NFKBIZ: variants seen among roughly 807,000 people sequenced by gnomAD.
The protein encoded by NFKBIZ is NFKB inhibitor zeta, also known as NF-kappa-B inhibitor zeta.
NFKBIZ carries 19 observed loss-of-function variants against 76.8 expected under a neutral mutation model. The ratio of observed to expected loss-of-function variants is 0.25; its 90% CI spans 0.17 to 0.36. The LOEUF is 0.36. NFKBIZ is among the 10% of genes least tolerant of loss of function. The pLI is 1.00. For missense variants in NFKBIZ, 829 were observed against 910.9 expected, an observed-to-expected ratio of 0.91 and a Z score of 1.16; for synonymous variants, 368 against 354.8, an observed-to-expected ratio of 1.04 and a Z score of -0.42.
intron 2 of NFKBIZ, among the ~76,000 whole-genome samples, chr3:101,834,859 C>T (rs901871753): frequency 1.3e-5 from 2 of 152,146 alleles, no homozygotes; most frequent in African/African-American, 4.8e-5. Context: ...TGTTCGAAAC[C>T]CCTGAATGGC....
chr3:101,846,615 CAG>C (rs1309007060), upstream of NFKBIZ, among the ~76,000 whole-genome samples: 1 of 152,072 alleles, frequency 6.6e-6, no homozygotes, highest in African/African-American at 2.4e-5. Flanking sequence ...TTAATTAAAA[CAG>C]GAGGATAATT....
intron 1 of NFKBIZ, among the ~76,000 whole-genome samples, chr3:101,850,719 C>T (rs146586530): frequency 2.0e-5 from 3 of 152,200 alleles, no homozygotes; most frequent in African/African-American, 7.2e-5. Context: ...TAAAGAACGT[C>T]TCTTTCCGGT....
At chr3:101,833,920 A>ACC (rs918117017) in intron 2 of NFKBIZ, among the ~76,000 whole-genome samples, 3 of 152,078 alleles carry the variant, frequency 2.0e-5, no homozygotes, top group African/African-American at 7.2e-5. Flanking sequence ...TGCTTTCTCC[A>ACC]CCCCATACCT....
rs779627319 is a variant in NFKBIZ at position 101,857,190 on chromosome 3, C to CACACT, written c.1935+8_1935+9insCACTA. 1 of 139,652 alleles carries CACACT rather than the reference C, an allele frequency of 7.2e-6. No homozygotes were observed. Among genetic ancestry groups the CACACT allele is most frequent in the East Asian group, 1.2e-4 (1 of 8,074 alleles). 8.7% of individuals were successfully genotyped at this position (139,652 alleles called of 1,614,324 possible). A position where few individuals can be genotyped will look rare whatever the true frequency, so the allele number is the denominator to read the frequency against. ...GTCTTTTGTGAATGCAAAGGTACACCAGAGTTGGAATGGCCTTCTGTACAC... is the reference window on the plus strand; with the variant it reads ...GTCTTTTGTGAATGCAAAGGTACACCACACTAGAGTTGGAATGGCCTTCTGTACAC... On this transcript the variant is annotated splice_region_variant and intron_variant, in intron 10 of 11. Coordinates refer to ENST00000326172, the MANE Select transcript of NFKBIZ (RefSeq NM_031419.4).
chr3:101,853,368 T>G lies in NFKBIZ; in HGVS notation c.842T>G (p.Ile281Arg). The G allele has an allele frequency of 6.2e-7, 1 of 1,614,100 alleles. No homozygotes were observed. Among genetic ancestry groups the G allele is most frequent in the East Asian group, 2.2e-5 (1 of 44,880 alleles). ...CAAGTCAGGGGCTCCCAACAAATGA[T>G]AGACCAGGCTTCCCTGTACCAGTAT... Reference protein sequence around the residue: ...PFQVRGSQQMIDQASLYQYSP... With the variant: ...PFQVRGSQQMRDQASLYQYSP... The change falls in exon 5 of 12, where the codon ATA becomes AGA. Residue 281 changes from isoleucine (I) to arginine (R), a missense_variant. Transcript: ENST00000326172.
At chr3:101,841,036 A>C (rs913541012) in intron 2 of NFKBIZ, among the ~76,000 whole-genome samples, 4 of 152,230 alleles carry the variant, frequency 2.6e-5, no homozygotes, top group African/African-American at 9.6e-5. Context: ...TATCAAGTTT[A>C]TTCTCTTAGC....
chr3:101,834,242 C>G (rs1479634262), intron 2 of NFKBIZ, among the ~76,000 whole-genome samples: 2 of 152,082 alleles, frequency 1.3e-5, no homozygotes, highest in South Asian at 2.1e-4. Context: ...CACTATTATC[C>G]TCAAGGCCTT....
intron 2 of NFKBIZ, among the ~76,000 whole-genome samples, chr3:101,837,850 A>G (rs1942743027): frequency 1.3e-5 from 2 of 152,222 alleles, no homozygotes; most frequent in Admixed American, 1.3e-4. Flanking sequence ...TTAGGAGATG[A>G]AATTCTGAGC....
intron 2 of NFKBIZ, among the ~76,000 whole-genome samples, chr3:101,834,721 A>G (rs1314146817): frequency 1.3e-5 from 2 of 152,174 alleles, no homozygotes; most frequent in Non-Finnish European, 2.9e-5. Flanking sequence ...AAATCTCTAA[A>G]CAGTTCCCCT....
At chr3:101,852,505 A>G (rs986091257) in intron 2 of NFKBIZ, among the ~76,000 whole-genome samples, 2 of 152,238 alleles carry the variant, frequency 1.3e-5, no homozygotes, top group Non-Finnish European at 2.9e-5. Context: ...GAAAGGGAAA[A>G]ATCAAATGGT....
At chr3:101,835,318 A>C (rs1942704438) in intron 2 of NFKBIZ, among the ~76,000 whole-genome samples, 1 of 152,186 alleles carries the variant, frequency 6.6e-6, no homozygotes, top group South Asian at 2.1e-4. Context: ...CTTGGGTAAA[A>C]ATTTGGAGGC....
intron 9 of NFKBIZ, 48 bp from the exon 10 acceptor site, chr3:101,857,025 G>A (rs752805200): frequency 9.0e-6 from 12 of 1,334,088 alleles, no homozygotes; most frequent in Admixed American, 7.5e-5. Flanking sequence ...CTGAGGCATA[G>A]TATCTGGATT....
upstream of NFKBIZ, among the ~76,000 whole-genome samples, chr3:101,846,097 G>A (rs80099440): frequency 0.033 from 5,069 of 152,268 alleles, 106 homozygotes; most frequent in Middle Eastern, 0.054. Flanking sequence ...AAAGTGTCTC[G>A]TAAGACTATA....
At chr3:101,840,443 A>G (rs1489336850) in intron 2 of NFKBIZ, among the ~76,000 whole-genome samples, 1 of 152,242 alleles carries the variant, frequency 6.6e-6, no homozygotes, top group Non-Finnish European at 1.5e-5. Context: ...GTACACAGGT[A>G]GCCCTTCAGA....
intron 11 of NFKBIZ, 68 bp from the exon 12 acceptor site, chr3:101,859,250 T>G: frequency 7.9e-7 from 1 of 1,265,042 alleles, no homozygotes. Context: ...GGAATGAAAC[T>G]CAGAAGGAAA....
chr3:101,855,291 GT>G, intron 7 of NFKBIZ, 83 bp downstream of exon 7: 1 of 1,603,206 alleles, frequency 6.2e-7, no homozygotes, highest in Non-Finnish European at 8.5e-7. Flanking sequence ...TAGGTTGCCT[GT>G]TGCAATGATC....
At chr3:101,837,824 A>G (rs1445142311) in intron 2 of NFKBIZ, among the ~76,000 whole-genome samples, 1 of 152,206 alleles carries the variant, frequency 6.6e-6, no homozygotes, top group Non-Finnish European at 1.5e-5. Context: ...ACAAGTCTAT[A>G]AAATCCAGAA....
intron 1 of NFKBIZ, among the ~76,000 whole-genome samples, chr3:101,851,640 T>A (rs899176265): frequency 6.6e-6 from 1 of 152,220 alleles, no homozygotes; most frequent in Non-Finnish European, 1.5e-5. Context: ...TAAAAGTGCA[T>A]CATTTATCAC....
In NFKBIZ at chr3:101,859,270, T is replaced by C. The variant is rs576549807; in HGVS notation, c.2104-48T>C. The C allele has an allele frequency of 6.2e-6, 9 of 1,451,016 alleles. No homozygotes were observed. The African/African-American group carries it at 8.4e-5, about 13-fold the overall frequency. 89.9% of individuals were successfully genotyped at this position (1,451,016 alleles called of 1,614,324 possible). ...GAAACTCAGAAGGAAATACACCACATTGGCCATAAGAAATAAACCTCACAA... is the reference window on the plus strand; with the variant it reads ...GAAACTCAGAAGGAAATACACCACACTGGCCATAAGAAATAAACCTCACAA... On this transcript the variant is annotated intron_variant, in intron 11 of 11. Transcript: ENST00000326172.
Sources: gnomAD v4.1 joint callset for allele counts (sites outside exome capture counted in the v4.1 genomes callset) on GRCh38, gnomAD v4.1.1 for gene constraint, MANE v1.5 for transcripts, NCBI Gene and HGNC (gene_info 2026-07-23, HGNC 2026-07-21) for gene names.